SIPA1L3: variants seen among roughly 807,000 people sequenced by gnomAD.
The protein encoded by SIPA1L3 is signal-induced proliferation-associated 1-like protein 3.
SIPA1L3 carries 59 observed loss-of-function variants against 150.1 expected under a neutral mutation model. The observed-to-expected ratio is 0.39, with a 90% CI of 0.32 to 0.49. SIPA1L3 has a LOEUF of 0.49. Among genes scored for constraint, SIPA1L3 ranks in the 20% least tolerant of loss-of-function variants. The probability of loss-of-function intolerance (pLI) is 0.86; values close to 1 mark genes in which losing one functional copy is unlikely to be tolerated. For missense variants in SIPA1L3, 2,211 were observed against 2,489.5 expected (o/e 0.89, Z 2.38); for synonymous variants, 1,070 against 1,077.6 (o/e 0.99, Z 0.14).
intron 2 of SIPA1L3, among the ~76,000 whole-genome samples, chr19:38,055,954 C>A (rs555725257): frequency 3.9e-5 from 6 of 152,208 alleles, no homozygotes; most frequent in Non-Finnish European, 8.8e-5. Context: ...CCGAACTAGC[C>A]GATTGACTGC....
chr19:38,094,071 G>T (rs886465524), intron 4 of SIPA1L3, among the ~76,000 whole-genome samples: 1 of 152,114 alleles, frequency 6.6e-6, no homozygotes, highest in African/African-American at 2.4e-5. Context: ...TAGAGATTTG[G>T]GTTTTTATTT....
chr19:37,930,958 G>C (rs2145499385), intron 1 of SIPA1L3, among the ~76,000 whole-genome samples: 1 of 152,148 alleles, frequency 6.6e-6, no homozygotes, highest in Middle Eastern at 3.4e-3. Context: ...GATTTATGTG[G>C]TTTTTGTTTA....
rs533110279 is a variant in SIPA1L3, at chr19:38,152,863, T to A, written c.3557T>A (p.Leu1186Gln). The change falls in exon 13 of 22, where the codon CTG becomes CAG. Residue 1186 changes from leucine (L) to glutamine (Q), a missense_variant. This residue lies in a region of SIPA1L3 where 806 missense variants were observed against 870.1 expected (regional missense o/e 0.93). Transcript: ENST00000222345. ...PERYTAAPHP[L>Q]LSLDPHFSHD... is the part of the protein sequence containing the mutation. ...AGGTACACGGCTGCCCCACACCCCC[T>A]GCTATCTCTTGATCCCCACTTCAGC... 1 of 1,612,920 alleles carries A rather than the reference T, an allele frequency of 6.2e-7. No individual in the cohort carries two copies. Among genetic ancestry groups the A allele is most frequent in the Admixed American group, 1.7e-5 (1 of 59,852 alleles).
chr19:38,127,880 G>T (rs1445754169), intron 9 of SIPA1L3, among the ~76,000 whole-genome samples: 1 of 151,906 alleles, frequency 6.6e-6, no homozygotes. Flanking sequence ...AGCTTAGGTG[G>T]GGTAGCTTAT....
At chr19:38,025,234 A>G (rs1968478605) in intron 1 of SIPA1L3, among the ~76,000 whole-genome samples, 1 of 152,110 alleles carries the variant, frequency 6.6e-6, no homozygotes, top group East Asian at 1.9e-4. Context: ...TCCCCCTTAC[A>G]TTATCTCATG....
intron 2 of SIPA1L3, among the ~76,000 whole-genome samples, chr19:38,065,363 T>G (rs1474233587): frequency 1.3e-5 from 2 of 151,652 alleles, no homozygotes; most frequent in Non-Finnish European, 2.9e-5. Context: ...GGTAAGGGCC[T>G]TGCAAGGGGT....
intron 19 of SIPA1L3, among the ~76,000 whole-genome samples, chr19:38,199,683 G>A (rs1414662503): frequency 2.0e-5 from 3 of 152,256 alleles, no homozygotes; most frequent in African/African-American, 2.4e-5. Context: ...CCCGGGAGCC[G>A]GAAAGGGGCT....
In SIPA1L3 at chr19:38,141,377, C is replaced by A. The variant is rs1245379330; in HGVS notation, c.3337C>A (p.Pro1113Thr). 2 of 1,613,728 alleles carry A rather than the reference C, an allele frequency of 1.2e-6. No homozygotes were observed. The change falls in exon 11 of 22, where the codon CCC (proline) becomes ACC (threonine). Residue 1113 changes from proline to threonine, a missense_variant. By Grantham distance (38) the Pro-to-Thr change is conservative (BLOSUM62 -1). Transcript: ENST00000222345. The part of the protein sequence containing the change: ...TPGHAQSLSR[P>T]LKQTPIVPFR... ...CGGCCATGCCCAGTCCCTGAGCCGG[C>A]CCCTGAAGCAGACCCCCATAGTCCC... is the stretch of plus-strand genomic sequence containing the variant.
At chr19:38,110,411 C>T (rs780573487) in intron 8 of SIPA1L3, 27 bp downstream of exon 8, 2 of 1,601,266 alleles carry the variant, frequency 1.2e-6, no homozygotes, top group South Asian at 2.2e-5. Flanking sequence ...CGGCCCCCAG[C>T]AGCGTATGGA....
chr19:38,054,597 A>C (rs1969275180), intron 2 of SIPA1L3, among the ~76,000 whole-genome samples: 1 of 149,828 alleles, frequency 6.7e-6, no homozygotes, highest in Admixed American at 6.6e-5. Flanking sequence ...ACTCCATCTC[A>C]AAAAAAAAGG....
At chr19:37,972,429 G>A (rs1966965995) in intron 1 of SIPA1L3, among the ~76,000 whole-genome samples, 1 of 152,188 alleles carries the variant, frequency 6.6e-6, no homozygotes, top group African/African-American at 2.4e-5. Context: ...TGGGCTGGGT[G>A]TGGTGGCTCA....
At chr19:38,148,657 G>A (rs967625700) in intron 12 of SIPA1L3, among the ~76,000 whole-genome samples, 13 of 152,100 alleles carry the variant, frequency 8.5e-5, no homozygotes, top group African/African-American at 2.9e-4. Context: ...TCTGCCCGGC[G>A]AGGCTCCTGC....
chr19:37,963,181 GCC>G (rs2046875019), intron 1 of SIPA1L3, among the ~76,000 whole-genome samples: 1 of 151,982 alleles, frequency 6.6e-6, no homozygotes, highest in African/African-American at 2.4e-5. Context: ...TCCTGAGTCG[GCC>G]CCAGCCATTA....
In SIPA1L3 at chr19:38,152,859, C is replaced by T; in HGVS notation, c.3553C>T (p.Pro1185Ser). 6.2e-7 allele frequency: 1 copy of T among 1,612,766 alleles called. No individual in the cohort carries two copies. The highest frequency in any genetic ancestry group is 8.5e-7 in the Non-Finnish European group (1 of 1,179,354). Residue 1185 changes from proline (P) to serine (S), a missense_variant, in exon 13 of 22, where the codon CCC becomes TCC. Physicochemically the swap from Pro to Ser is moderately conservative, Grantham distance 74. Around this residue, in one of 5 missense-constraint regions of SIPA1L3, gnomAD observed 806 missense variants for 870.1 expected, o/e 0.93. Transcript: ENST00000222345. ...SPERYTAAPH[P>S]LLSLDPHFSH... ...CTGCAGGTACACGGCTGCCCCACAC[C>T]CCCTGCTATCTCTTGATCCCCACTT...
At chr19:38,145,087 C>T (rs1228793445) in intron 12 of SIPA1L3, among the ~76,000 whole-genome samples, 1 of 152,124 alleles carries the variant, frequency 6.6e-6, no homozygotes, top group East Asian at 1.9e-4. Flanking sequence ...GAGTGACTCA[C>T]CAGTAACAAA....
intron 1 of SIPA1L3, among the ~76,000 whole-genome samples, chr19:38,015,623 C>T (rs1188070040): frequency 6.7e-6 from 1 of 149,222 alleles, no homozygotes; most frequent in East Asian, 2.0e-4. Context: ...ACTCAGGTAG[C>T]TGTGGTGGGA....
intron 2 of SIPA1L3, among the ~76,000 whole-genome samples, chr19:38,058,103 T>C (rs1222162844): frequency 2.0e-5 from 3 of 152,098 alleles, no homozygotes; most frequent in African/African-American, 7.2e-5. Flanking sequence ...TGGAGAGCCA[T>C]TTTCCTGGTC....
chr19:38,206,536 T>G lies in SIPA1L3; in HGVS notation c.*296T>G. The G allele has an allele frequency of 3.5e-6, 1 of 282,820 alleles. No homozygotes were observed. Among genetic ancestry groups the G allele is most frequent in the Non-Finnish European group, 6.6e-6 (1 of 151,628 alleles). The allele number at this position is 282,820 out of a possible 1,614,324, so 17.5% of individuals were successfully genotyped here. A position where few individuals can be genotyped will look rare whatever the true frequency, so the allele number is the denominator to read the frequency against. ...CCGGGCCTGCCCCGCTGTCCCCATC[T>G]AGCCTCTTCCTGGGACCAGCCCTTC... On this transcript the variant is annotated 3_prime_UTR_variant, in exon 22 of 22. Coordinates refer to ENST00000222345, the MANE Select transcript of SIPA1L3 (RefSeq NM_015073.3).
chr19:38,027,863 G>C (rs1475797547), intron 1 of SIPA1L3, among the ~76,000 whole-genome samples: 1 of 152,092 alleles, frequency 6.6e-6, no homozygotes, highest in African/African-American at 2.4e-5. Context: ...ACCTCAGCTA[G>C]TGGGTCCCTT....
Sources: gnomAD v4.1 joint callset for allele counts (sites outside exome capture counted in the v4.1 genomes callset) on GRCh38, gnomAD v4.1.1 for gene constraint, gnomAD v4.1.1 regional missense constraint, MANE v1.5 for transcripts, NCBI Gene and HGNC (gene_info 2026-07-23, HGNC 2026-07-21) for gene names.